B3GLCT: variants seen among roughly 807,000 people sequenced by gnomAD.
The protein encoded by B3GLCT is beta-1,3-glucosyltransferase.
A neutral mutation model predicts 63.4 loss-of-function variants in B3GLCT; 65 were observed. The observed-to-expected ratio is 1.03, with a 90% CI of 0.84 to 1.26. The LOEUF (loss-of-function observed/expected upper bound fraction) is 1.26, where lower values mean the gene tolerates loss of function less well. B3GLCT is among the 50% of genes most tolerant of loss of function. The pLI is 0.00. For missense variants in B3GLCT, 577 were observed against 604.8 expected (o/e 0.95, Z 0.48); for synonymous variants, 233 against 219.2 (o/e 1.06, Z -0.55).
chr13:31,277,175 T>C (rs1872836848), intron 10 of B3GLCT, among the ~76,000 whole-genome samples: 1 of 152,158 alleles, frequency 6.6e-6, no homozygotes, highest in Non-Finnish European at 1.5e-5. Context: ...AAAAAAGACT[T>C]TTTCTTCTTT....
At chr13:31,218,186 A>G (rs866380112) in intron 2 of B3GLCT, among the ~76,000 whole-genome samples, 2,116 of 127,428 alleles carry the variant, frequency 0.017, 23 homozygotes, top group Non-Finnish European at 0.02. Context: ...TTTTGTGGCT[A>G]CTTTTTTTTT....
chr13:31,261,545 G>A (rs999224264), intron 7 of B3GLCT, among the ~76,000 whole-genome samples: 1 of 152,142 alleles, frequency 6.6e-6, no homozygotes, highest in Non-Finnish European at 1.5e-5. Context: ...GCTAGTGGAA[G>A]GTACTATAGG....
Position 31,215,037 on chromosome 13 carries a change from T to C in B3GLCT, c.71-14T>C. On this transcript the variant is annotated splice_polypyrimidine_tract_variant and intron_variant, in intron 1 of 14. Transcript: ENST00000343307. Reference sequence around the variant, plus strand: ...ATTCTAAGGTAGAAATATTTCTTTTTTTTTTTTTTCCAGCTTTTGGTTTGG... The same window carrying C: ...ATTCTAAGGTAGAAATATTTCTTTTCTTTTTTTTTCCAGCTTTTGGTTTGG... 6.2e-7 allele frequency: 1 copy of C among 1,604,956 alleles called. No individual in the cohort carries two copies. The highest frequency in any genetic ancestry group is 1.3e-5 in the African/African-American group (1 of 74,730).
rs1002662373 is a variant in B3GLCT, at chr13:31,211,045, G to A, written c.71-4006G>A. On this transcript the variant is annotated intron_variant, in intron 1 of 14. Transcript: ENST00000343307. ...GGCACGTGCCACCACGTCCGGCCAC[G>A]TTTGGTTCCTTGATGATTTCTTTTG... Among the ~76,000 whole-genome samples the A allele has an allele frequency of 1.2e-4, 18 of 152,198 alleles. 1 individual carries two copies. Among genetic ancestry groups the A allele is most frequent in the African/African-American group, 2.9e-4 (12 of 41,526 alleles).
intron 12 of B3GLCT, among the ~76,000 whole-genome samples, chr13:31,302,075 C>T (rs536344339): frequency 6.6e-6 from 1 of 152,290 alleles, no homozygotes; most frequent in East Asian, 1.9e-4. Flanking sequence ...TGACTCTCCC[C>T]TCTCCCCTTC....
At chr13:31,282,368 G>A (rs1036461138) in intron 10 of B3GLCT, among the ~76,000 whole-genome samples, 7 of 152,204 alleles carry the variant, frequency 4.6e-5, no homozygotes, top group Middle Eastern at 3.4e-3. Flanking sequence ...GGCCGAGTGC[G>A]GTGGCTCATG....
At chr13:31,234,956 G>A (rs377732691) in intron 4 of B3GLCT, among the ~76,000 whole-genome samples, 5 of 152,240 alleles carry the variant, frequency 3.3e-5, no homozygotes, top group South Asian at 2.1e-4. Flanking sequence ...AGGACTGGGC[G>A]AGGAACCTCA....
rs1566102645 is a variant in B3GLCT, at chr13:31,329,459, AT to A, written c.1330-40del. On this transcript the variant is annotated intron_variant, in intron 14 of 14. Coordinates refer to ENST00000343307, the MANE Select transcript of B3GLCT (RefSeq NM_194318.4). Reference sequence around the variant, plus strand: ...AAATGCTCTTCTGCAGCAAAATTATATTCAATCAACAAGGAAGCCTAACTCT... The same window carrying A: ...AAATGCTCTTCTGCAGCAAAATTATATCAATCAACAAGGAAGCCTAACTCT... The A allele has an allele frequency of 6.8e-6, 11 of 1,611,096 alleles. No homozygotes were observed. The East Asian group carries it at 2.5e-4, about 36-fold the overall frequency.
chr13:31,271,200 G>C (rs555812154), intron 8 of B3GLCT, among the ~76,000 whole-genome samples: 1 of 152,348 alleles, frequency 6.6e-6, no homozygotes, highest in South Asian at 2.1e-4. Flanking sequence ...GAGATTCTCT[G>C]GGGGCCCTTC....
intron 14 of B3GLCT, among the ~76,000 whole-genome samples, chr13:31,324,264 C>T (rs1875493935): frequency 6.6e-6 from 1 of 152,140 alleles, no homozygotes; most frequent in African/African-American, 2.4e-5. Flanking sequence ...GTCCTACTGG[C>T]CACTGAGTCT....
chr13:31,314,312 C>A (rs985651303), intron 12 of B3GLCT, among the ~76,000 whole-genome samples: 2 of 152,162 alleles, frequency 1.3e-5, no homozygotes, highest in Admixed American at 1.3e-4. Flanking sequence ...TCTGGAAGAG[C>A]CGCAGACACT....
intron 12 of B3GLCT, among the ~76,000 whole-genome samples, chr13:31,313,775 C>T (rs1478737119): frequency 6.6e-6 from 1 of 152,192 alleles, no homozygotes; most frequent in Non-Finnish European, 1.5e-5. Flanking sequence ...GGGGAAATGT[C>T]TCCAGGTCAT....
intron 12 of B3GLCT, among the ~76,000 whole-genome samples, chr13:31,316,469 C>T (rs1875038752): frequency 9.0e-6 from 1 of 111,686 alleles, no homozygotes; most frequent in African/African-American, 3.1e-5. Flanking sequence ...GCTCTTGTCA[C>T]CCAGGCTGGA....
chr13:31,244,054 G>A (rs1044076813), intron 4 of B3GLCT, among the ~76,000 whole-genome samples: 4 of 152,178 alleles, frequency 2.6e-5, no homozygotes, highest in Non-Finnish European at 5.9e-5. Context: ...TTAGATTGAC[G>A]ACAGTTGTTG....
intron 5 of B3GLCT, among the ~76,000 whole-genome samples, chr13:31,247,342 G>T (rs937699773): frequency 3.3e-5 from 5 of 152,070 alleles, no homozygotes; most frequent in African/African-American, 4.8e-5. Context: ...ATGCAGTGGT[G>T]ACTTGGCTCC....
chr13:31,291,684 TGAAGTTGCTTATCAGC>T (rs1873666739), intron 12 of B3GLCT, among the ~76,000 whole-genome samples: 2 of 152,244 alleles, frequency 1.3e-5, no homozygotes, highest in Admixed American at 1.3e-4. Flanking sequence ...GAGACTTTGC[TGAAGTTGCTTATCAGC>T]TTAAGGAGAT....
At chr13:31,270,005 G>C (rs1023155082) in intron 8 of B3GLCT, among the ~76,000 whole-genome samples, 3 of 152,180 alleles carry the variant, frequency 2.0e-5, no homozygotes, top group Non-Finnish European at 4.4e-5. Flanking sequence ...TCTGTGCTTG[G>C]CTGTCTGGAG....
intron 12 of B3GLCT, among the ~76,000 whole-genome samples, chr13:31,295,760 G>A (rs1349593624): frequency 1.3e-5 from 2 of 152,186 alleles, no homozygotes; most frequent in Admixed American, 6.5e-5. Context: ...CTCCGTGGGG[G>A]TGGGGTTCGC....
chr13:31,270,369 T>A (rs992745227), intron 8 of B3GLCT, among the ~76,000 whole-genome samples: 1 of 152,224 alleles, frequency 6.6e-6, no homozygotes, highest in Admixed American at 6.5e-5. Context: ...ATACAGAATA[T>A]TTGAGTAGAA....
Sources: gnomAD v4.1 joint callset for allele counts (sites outside exome capture counted in the v4.1 genomes callset) on GRCh38, gnomAD v4.1.1 for gene constraint, MANE v1.5 for transcripts, NCBI Gene and HGNC (gene_info 2026-07-23, HGNC 2026-07-21) for gene names.